FHIT: variants seen among roughly 807,000 people sequenced by gnomAD.
FHIT encodes fragile histidine triad diadenosine triphosphatase.
In FHIT, 19 loss-of-function variants were observed where a neutral mutation model predicts 17.9. That is an observed-to-expected ratio of 1.06 (90% CI 0.74 to 1.56). The LOEUF (loss-of-function observed/expected upper bound fraction) is 1.56, where lower values mean the gene tolerates loss of function less well. Among genes scored for constraint, FHIT ranks in the 40% most tolerant of loss-of-function variants. The pLI is 0.00. For synonymous variants in FHIT, 81 were observed against 69.7 expected (o/e 1.16, Z -0.81); for missense variants, 248 against 189.2 (o/e 1.31, Z -1.82).
intron 4 of FHIT, among the ~76,000 whole-genome samples, chr3:60,789,280 A>G (rs2108115731): frequency 6.6e-6 from 1 of 151,970 alleles, no homozygotes; most frequent in African/African-American, 2.4e-5. Flanking sequence ...GCATTTTGGG[A>G]GGCCAAGGCG....
At chr3:60,622,156 T>C (rs886466788) in intron 4 of FHIT, among the ~76,000 whole-genome samples, 1 of 152,124 alleles carries the variant, frequency 6.6e-6, no homozygotes, top group African/African-American at 2.4e-5. Context: ...CAAGCCTCCA[T>C]GTCTCACGGT....
intron 7 of FHIT, among the ~76,000 whole-genome samples, chr3:59,959,621 C>G (rs1222536715): frequency 6.6e-6 from 1 of 152,206 alleles, no homozygotes; most frequent in African/African-American, 2.4e-5. Flanking sequence ...GTCACTGTGT[C>G]AACAGATATT....
At chr3:61,209,460 G>A (rs888554836) in intron 1 of FHIT, among the ~76,000 whole-genome samples, 9 of 152,202 alleles carry the variant, frequency 5.9e-5, no homozygotes, top group Admixed American at 2.6e-4. Context: ...ACACCAATCA[G>A]ACATAGATTT....
rs1050919280 is a variant in FHIT at position 60,313,572 on chromosome 3, C to G, written c.103+223288G>C. On this transcript the variant is annotated intron_variant, in intron 5 of 9. Transcript: ENST00000492590. ...GTTGTCACGTAAAGTGCAAACAACT[C>G]TCTTTTGACAAAGTGATACTGCTGT... is the stretch of plus-strand genomic sequence containing the variant. Among the ~76,000 whole-genome samples the G allele has an allele frequency of 2.0e-5, 3 of 152,190 alleles. No individual in the cohort carries two copies. The East Asian group carries it at 5.8e-4, about 29-fold the overall frequency.
intron 8 of FHIT, among the ~76,000 whole-genome samples, chr3:59,794,342 C>T (rs562629925): frequency 1.4e-4 from 22 of 152,326 alleles, no homozygotes; most frequent in African/African-American, 4.6e-4. Context: ...ATTACCACAA[C>T]TCAAATTCAG....
chr3:60,220,653 G>T (rs1206027658), intron 5 of FHIT, among the ~76,000 whole-genome samples: 1 of 152,058 alleles, frequency 6.6e-6, no homozygotes, highest in Non-Finnish European at 1.5e-5. Flanking sequence ...TTCAGTAGCA[G>T]ACACTGTGTT....
intron 5 of FHIT, among the ~76,000 whole-genome samples, chr3:60,086,664 C>G (rs1002976683): frequency 6.6e-6 from 1 of 152,224 alleles, no homozygotes; most frequent in African/African-American, 2.4e-5. Flanking sequence ...CTTAGCCGGG[C>G]AGACATGATA....
chr3:60,544,409 A>G (rs2107612858), intron 4 of FHIT, among the ~76,000 whole-genome samples: 1 of 152,136 alleles, frequency 6.6e-6, no homozygotes, highest in South Asian at 2.1e-4. Flanking sequence ...TGATGACACA[A>G]TTGCTTGTTC....
intron 4 of FHIT, among the ~76,000 whole-genome samples, chr3:60,694,304 A>G (rs996481256): frequency 6.6e-6 from 1 of 152,164 alleles, no homozygotes; most frequent in Non-Finnish European, 1.5e-5. Context: ...AATAAAAAAA[A>G]AAAGAAAGGA....
intron 7 of FHIT, among the ~76,000 whole-genome samples, chr3:59,958,307 A>G (rs1365453127): frequency 1.3e-5 from 2 of 152,228 alleles, no homozygotes; most frequent in African/African-American, 4.8e-5. Context: ...ATGTGTATTG[A>G]TTCTTTTAAT....
chr3:59,814,689 T>G (rs1330808742), intron 8 of FHIT, among the ~76,000 whole-genome samples: 1 of 152,150 alleles, frequency 6.6e-6, no homozygotes, highest in African/African-American at 2.4e-5. Flanking sequence ...CTATTATCCT[T>G]CAGTATTTAT....
intron 4 of FHIT, among the ~76,000 whole-genome samples, chr3:60,632,545 G>T (rs781879815): frequency 6.6e-6 from 1 of 152,204 alleles, no homozygotes; most frequent in Non-Finnish European, 1.5e-5. Context: ...CAAAGGCACA[G>T]AATATAATTT....
chr3:60,309,744 A>T (rs1708855220), intron 5 of FHIT, among the ~76,000 whole-genome samples: 1 of 151,552 alleles, frequency 6.6e-6, no homozygotes, highest in Non-Finnish European at 1.5e-5. Flanking sequence ...TTCCTGTTTA[A>T]CTTTTTTTTT....
intron 3 of FHIT, among the ~76,000 whole-genome samples, chr3:60,975,083 A>C (rs1030628013): frequency 1.3e-5 from 2 of 152,204 alleles, no homozygotes; most frequent in African/African-American, 4.8e-5. Context: ...TAAAATGAGA[A>C]TTCCTCAGCA....
intron 5 of FHIT, among the ~76,000 whole-genome samples, chr3:60,176,026 CATT>C (rs1286971668): frequency 1.3e-5 from 2 of 152,140 alleles, no homozygotes; most frequent in Non-Finnish European, 2.9e-5. Flanking sequence ...TTTTAAATAT[CATT>C]GAGTTAATTA....
At chr3:60,009,724 C>T (rs188931855) in intron 7 of FHIT, among the ~76,000 whole-genome samples, 2 of 152,244 alleles carry the variant, frequency 1.3e-5, no homozygotes, top group South Asian at 4.2e-4. Flanking sequence ...GTTGCACAAC[C>T]ATCACCACTA....
chr3:60,304,135 A>G (rs542271903), intron 5 of FHIT, among the ~76,000 whole-genome samples: 1 of 152,226 alleles, frequency 6.6e-6, no homozygotes, highest in African/African-American at 2.4e-5. Context: ...ACACTAATAC[A>G]TTTATTAAGT....
At chr3:60,924,889 G>A (rs533977798) in intron 3 of FHIT, among the ~76,000 whole-genome samples, 9 of 152,246 alleles carry the variant, frequency 5.9e-5, no homozygotes, top group Middle Eastern at 3.4e-3. Flanking sequence ...TGAAAACCAC[G>A]GCACCAGAAC....
At chr3:60,921,920 G>C (rs1193732166) in intron 3 of FHIT, among the ~76,000 whole-genome samples, 1 of 152,124 alleles carries the variant, frequency 6.6e-6, no homozygotes, top group Non-Finnish European at 1.5e-5. Context: ...TAATAATGTA[G>C]TCGGCCAGGC....
Sources: gnomAD v4.1 joint callset for allele counts (sites outside exome capture counted in the v4.1 genomes callset) on GRCh38, gnomAD v4.1.1 for gene constraint, MANE v1.5 for transcripts, NCBI Gene and HGNC (gene_info 2026-07-23, HGNC 2026-07-21) for gene names.